ENKUR: variants seen among roughly 807,000 people sequenced by gnomAD.
ENKUR encodes enkurin.
ENKUR carries 19 observed loss-of-function variants against 27.6 expected under a neutral mutation model. The ratio of observed to expected loss-of-function variants is 0.69; its 90% CI spans 0.48 to 1.01. ENKUR has a LOEUF of 1.01. ENKUR is among the 50% of genes least tolerant of loss of function. The pLI is 0.00. For synonymous variants in ENKUR, 117 were observed against 96.9 expected (o/e 1.21, Z -1.22); for missense variants, 312 against 310.5 (o/e 1.00, Z -0.04).
At chr10:24,992,478 G>C (rs946451440) in intron 3 of ENKUR, among the ~76,000 whole-genome samples, 5 of 152,194 alleles carry the variant, frequency 3.3e-5, no homozygotes, top group African/African-American at 1.2e-4. Flanking sequence ...CATAAAGTAA[G>C]ATGTAGCCAT....
chr10:25,005,749 C>G (rs1850299117), intron 1 of ENKUR, among the ~76,000 whole-genome samples: 1 of 152,210 alleles, frequency 6.6e-6, no homozygotes, highest in African/African-American at 2.4e-5. Context: ...TTCCCCCAGC[C>G]TGGTTGTCTG....
At chr10:25,034,111 G>T (rs1850973468) in intron 2 of ENKUR, among the ~76,000 whole-genome samples, 1 of 151,684 alleles carries the variant, frequency 6.6e-6, no homozygotes, top group South Asian at 2.1e-4. Context: ...AAAAAAAAAT[G>T]AAAGCATTCT....
chr10:24,988,664 GTATATATATATATATATATATA>G (rs66687937), intron 4 of ENKUR, among the ~76,000 whole-genome samples: 3,905 of 98,048 alleles, frequency 0.04, 88 homozygotes, highest in Non-Finnish European at 0.061. Context: ...CACAGCATAT[GTATATATATATATATATATATA>G]TATATATATA....
chr10:25,012,690 A>G (rs535060034), intron 1 of ENKUR, among the ~76,000 whole-genome samples: 2 of 152,320 alleles, frequency 1.3e-5, no homozygotes, highest in East Asian at 3.9e-4. Context: ...CCCCCATTGT[A>G]TCTGGGAAGT....
chr10:24,998,233 A>G (rs1408160162), intron 2 of ENKUR, among the ~76,000 whole-genome samples: 1 of 152,144 alleles, frequency 6.6e-6, no homozygotes, highest in Non-Finnish European at 1.5e-5. Context: ...ATGCCAGCAG[A>G]CATAAAAAGC....
chr10:25,016,233 C>T (rs1850569103), upstream of ENKUR: 2 of 1,064,410 alleles, frequency 1.9e-6, no homozygotes, highest in Admixed American at 5.1e-5. Flanking sequence ...TCCCCTCTTC[C>T]CTCTTTCTGC....
chr10:25,031,878 T>C (rs910256852), intron 2 of ENKUR, among the ~76,000 whole-genome samples: 2 of 152,064 alleles, frequency 1.3e-5, no homozygotes, highest in Non-Finnish European at 2.9e-5. Flanking sequence ...TTTGCTATGT[T>C]GCCTAGACTG....
intron 4 of ENKUR, among the ~76,000 whole-genome samples, chr10:24,989,190 G>A (rs1446231421): frequency 6.6e-6 from 1 of 152,178 alleles, no homozygotes. Flanking sequence ...CCAAATGAGA[G>A]AGACAGAATG....
At chr10:25,054,282 C>T (rs971070010) in intron 2 of ENKUR, among the ~76,000 whole-genome samples, 3 of 152,028 alleles carry the variant, frequency 2.0e-5, no homozygotes, top group Admixed American at 6.6e-5. Context: ...ATTAGCTGGG[C>T]GTGGTGGTGG....
chr10:25,017,004 C>T (rs996489286), upstream of ENKUR, among the ~76,000 whole-genome samples: 6 of 152,176 alleles, frequency 3.9e-5, no homozygotes, highest in Non-Finnish European at 5.9e-5. Flanking sequence ...CGGCCTCCTC[C>T]GCCTGCTGCG....
In ENKUR at chr10:24,999,365, C is replaced by A. The variant is rs1554769825; in HGVS notation, c.223+36G>T. 7.0e-6 allele frequency: 11 copies of A among 1,565,250 alleles called. No individual in the cohort carries two copies. In the East Asian group the frequency reaches 2.3e-4, roughly 32 times the overall value. On this transcript the variant is annotated intron_variant, in intron 2 of 5. Transcript: ENST00000331161. ...ATAATAGTTAAATCACCTGCTAATG[C>A]TTTTAATATTAAAAATAAAGCATGA...
intron 2 of ENKUR, among the ~76,000 whole-genome samples, chr10:25,022,385 A>C (rs568095100): frequency 1.3e-5 from 2 of 152,334 alleles, no homozygotes; most frequent in Admixed American, 1.3e-4. Context: ...TAGAAACAAA[A>C]GTGATGGTTC....
intron 2 of ENKUR, chr10:25,025,228 TC>T (rs1276267957): frequency 6.2e-7 from 1 of 1,614,190 alleles, no homozygotes; most frequent in Admixed American, 1.7e-5. Context: ...AGCCCATTAC[TC>T]AAAGTTTGCA....
At chr10:25,027,385 AAAC>A (rs1850876439) in intron 2 of ENKUR, among the ~76,000 whole-genome samples, 5 of 142,330 alleles carry the variant, frequency 3.5e-5, no homozygotes, top group African/African-American at 1.4e-4. Context: ...AAAAAAAAAA[AAAC>A]TAGCCAGGCA....
intron 2 of ENKUR, among the ~76,000 whole-genome samples, chr10:25,046,304 TA>T (rs1291076816): frequency 1.3e-5 from 2 of 152,186 alleles, no homozygotes; most frequent in Admixed American, 6.5e-5. Flanking sequence ...TCTCATGGAT[TA>T]AAAAAAGTTC....
chr10:25,047,851 G>A (rs1429476328), intron 2 of ENKUR, among the ~76,000 whole-genome samples: 1 of 152,118 alleles, frequency 6.6e-6, no homozygotes, highest in Non-Finnish European at 1.5e-5. Context: ...TACATACATA[G>A]CATAAAAAGA....
chr10:24,997,730 A>G (rs529002884), intron 2 of ENKUR, among the ~76,000 whole-genome samples: 1 of 151,768 alleles, frequency 6.6e-6, no homozygotes. Flanking sequence ...GGCCAATGAA[A>G]TTTTGGGTTT....
chr10:24,988,469 T>TTA (rs2132670063), intron 4 of ENKUR, among the ~76,000 whole-genome samples: 1 of 146,226 alleles, frequency 6.8e-6, no homozygotes, highest in African/African-American at 2.5e-5. Context: ...TATAATTTAT[T>TTA]TATATATAAA....
chr10:25,054,294 T>G lies in ENKUR; in HGVS notation c.37+6818A>C, dbSNP rs549254706. ...AAAATTAGCTGGGCGTGGTGGTGGA[T>G]GCCTGTAATCTCAGCTATTTAGGAG... On this transcript the variant is annotated intron_variant, in intron 2 of 5. Coordinates refer to the ENKUR transcript ENST00000615958. Among the ~76,000 whole-genome samples, 72 of 152,270 alleles carry G rather than the reference T, an allele frequency of 4.7e-4. 1 individual carries two copies. The highest frequency in any genetic ancestry group is 1.7e-3 in the African/African-American group (71 of 41,562).
Sources: gnomAD v4.1 joint callset for allele counts (sites outside exome capture counted in the v4.1 genomes callset) on GRCh38, gnomAD v4.1.1 for gene constraint, MANE v1.5 for transcripts, NCBI Gene and HGNC (gene_info 2026-07-23, HGNC 2026-07-21) for gene names.